Variants in MGAT4C observed in about 807,000 individuals in gnomAD.
The protein encoded by MGAT4C is MGAT4 family member C, also known as alpha-1,3-mannosyl-glycoprotein 4-beta-N-acetylglucosaminyltransferase C.
MGAT4C carries 19 observed loss-of-function variants against 40.1 expected under a neutral mutation model. The observed-to-expected ratio is 0.47, with a 90% CI of 0.33 to 0.70. The LOEUF (loss-of-function observed/expected upper bound fraction) is 0.70. MGAT4C is among the 30% of genes least tolerant of loss of function. The probability of loss-of-function intolerance (pLI) is 0.02; values close to 1 mark genes in which losing one functional copy is unlikely to be tolerated. For synonymous variants in MGAT4C, 181 were observed against 187.1 expected, an observed-to-expected ratio of 0.97 and a Z score of 0.27; for missense variants, 491 against 563.2, an observed-to-expected ratio of 0.87 and a Z score of 1.30.
chr12:86,667,356 A>C (rs776866569), intron 2 of MGAT4C, among the ~76,000 whole-genome samples: 1 of 152,202 alleles, frequency 6.6e-6, no homozygotes, highest in African/African-American at 2.4e-5. Context: ...GCAGGCTAAC[A>C]TGTAAACGTT....
intron 2 of MGAT4C, among the ~76,000 whole-genome samples, chr12:86,489,880 A>G (rs1958097905): frequency 6.6e-6 from 1 of 152,234 alleles, no homozygotes; most frequent in Non-Finnish European, 1.5e-5. Flanking sequence ...AGAAAAAAGA[A>G]TAAAAAGAAA....
In MGAT4C at chr12:85,960,223, C is replaced by T. The variant is rs1003168733; in HGVS notation, c.*19066G>A. The T allele has an allele frequency of 6.6e-6, 1 of 151,994 alleles. No homozygotes were observed. Among genetic ancestry groups the T allele is most frequent in the South Asian group, 2.1e-4 (1 of 4,834 alleles). The allele number at this position is 151,994 out of a possible 1,614,324, so 9.4% of individuals were successfully genotyped here. ...TGATACAACTTGAAGAAATTTTCAT[C>T]AAACGTCTTTGTCTTATCCCCTTGT... On this transcript the variant is annotated 3_prime_UTR_variant, in exon 5 of 5. Coordinates refer to ENST00000611864, the MANE Select transcript of MGAT4C (RefSeq NM_001351288.2).
chr12:86,552,105 A>G (rs1959396821), intron 2 of MGAT4C, among the ~76,000 whole-genome samples: 1 of 151,986 alleles, frequency 6.6e-6, no homozygotes, highest in African/African-American at 2.4e-5. Flanking sequence ...AATCATAAGG[A>G]AAAATACAAA....
intron 2 of MGAT4C, among the ~76,000 whole-genome samples, chr12:86,450,178 T>C (rs954013145): frequency 6.6e-6 from 1 of 152,242 alleles, no homozygotes; most frequent in Non-Finnish European, 1.5e-5. Flanking sequence ...TGAGAGTAAA[T>C]GAGATTTCTA....
At chr12:86,233,256 CA>C (rs1951402516) in intron 1 of MGAT4C, among the ~76,000 whole-genome samples, 1 of 152,098 alleles carries the variant, frequency 6.6e-6, no homozygotes, top group Non-Finnish European at 1.5e-5. Context: ...AGTCTGTTTT[CA>C]AAGAGGTAAA....
chr12:86,519,019 G>A (rs1354553791), intron 2 of MGAT4C, among the ~76,000 whole-genome samples: 1 of 152,170 alleles, frequency 6.6e-6, no homozygotes, highest in East Asian at 1.9e-4. Context: ...CACCAGGTGA[G>A]TAGTGCCTAG....
rs181840568 is a variant in MGAT4C, at chr12:86,734,424, C to T, written c.-261-7183G>A. ...ACTTGAATCGGAGCAGCGTGTCCTT[C>T]ATTCTAATGGAAAGGGGCATAGTAT... On this transcript the variant is annotated intron_variant, in intron 1 of 7. Transcript: ENST00000548651. Among the ~76,000 whole-genome samples the T allele has an allele frequency of 9.2e-5, 14 of 152,124 alleles. No individual in the cohort carries two copies. The East Asian group carries it at 1.6e-3, about 17-fold the overall frequency.
chr12:86,787,568 G>A (rs960864206), intron 1 of MGAT4C, among the ~76,000 whole-genome samples: 8 of 151,806 alleles, frequency 5.3e-5, no homozygotes, highest in African/African-American at 1.9e-4. Flanking sequence ...AAACCACAAT[G>A]AGATACCATC....
At chr12:86,735,028 G>T (rs1268841679) in intron 1 of MGAT4C, among the ~76,000 whole-genome samples, 1 of 151,868 alleles carries the variant, frequency 6.6e-6, no homozygotes, top group South Asian at 2.1e-4. Context: ...ATGATTTTTT[G>T]TGTGTTTTGT....
chr12:86,323,768 C>T lies in MGAT4C; in HGVS notation c.-57+10297G>A, dbSNP rs11103928. 7.6e-3 allele frequency among the ~76,000 whole-genome samples: 1,155 copies of T among 151,926 alleles called. 15 individuals carry two copies. Among genetic ancestry groups the T allele is most frequent in the African/African-American group, 0.025 (1,048 of 41,502 alleles). ...CATGCTTCATGCCTTCTCATTGAAA[C>T]ATTTTCCGATAAAATTGTTGATGCT... On this transcript the variant is annotated intron_variant, in intron 4 of 7. Coordinates refer to the MGAT4C transcript ENST00000548651.
intron 2 of MGAT4C, among the ~76,000 whole-genome samples, chr12:86,704,104 T>A (rs1283381869): frequency 6.6e-6 from 1 of 152,154 alleles, no homozygotes; most frequent in Non-Finnish European, 1.5e-5. Flanking sequence ...TAATTATAAT[T>A]ATATTTTACT....
At chr12:86,192,512 C>T (rs1011718618) in intron 1 of MGAT4C, among the ~76,000 whole-genome samples, 1 of 152,014 alleles carries the variant, frequency 6.6e-6, no homozygotes, top group Non-Finnish European at 1.5e-5. Flanking sequence ...ACTCAGAATC[C>T]ACCCCCATCA....
At chr12:86,368,811 A>C (rs185219079) in intron 3 of MGAT4C, among the ~76,000 whole-genome samples, 1 of 152,058 alleles carries the variant, frequency 6.6e-6, no homozygotes, top group African/African-American at 2.4e-5. Flanking sequence ...CATGTGATCT[A>C]TCCTAAAGAA....
intron 3 of MGAT4C, among the ~76,000 whole-genome samples, chr12:86,418,222 G>A (rs1956755445): frequency 6.6e-6 from 1 of 152,128 alleles, no homozygotes; most frequent in Non-Finnish European, 1.5e-5. Context: ...TGAATGATCA[G>A]AGCATATGAT....
chr12:86,186,276 C>T (rs2135885048), intron 1 of MGAT4C, among the ~76,000 whole-genome samples: 1 of 152,160 alleles, frequency 6.6e-6, no homozygotes, highest in East Asian at 1.9e-4. Flanking sequence ...AAACAATGAA[C>T]CCAAGTTCAA....
rs1468501209 is a variant in MGAT4C, at chr12:85,979,117, C to T, written c.*172G>A. 4.0e-6 allele frequency: 2 copies of T among 499,892 alleles called. No individual in the cohort carries two copies. Among genetic ancestry groups the T allele is most frequent in the Non-Finnish European group, 3.5e-6 (1 of 286,172 alleles). The allele number at this position is 499,892 out of a possible 1,614,324, so 31.0% of individuals were successfully genotyped here. On this transcript the variant is annotated 3_prime_UTR_variant, in exon 5 of 5. Transcript: ENST00000611864. Reference sequence around the variant, plus strand: ...TCAACTTCAGACGTTAAAATAAATACAAGTGTGTATTAAGAGTAAAATTAT... The same window carrying T: ...TCAACTTCAGACGTTAAAATAAATATAAGTGTGTATTAAGAGTAAAATTAT...
chr12:86,427,131 T>C (rs1956943052), intron 3 of MGAT4C, among the ~76,000 whole-genome samples: 1 of 152,144 alleles, frequency 6.6e-6, no homozygotes. Context: ...AGCTTTGTTC[T>C]ATAAGCTTCT....
intron 3 of MGAT4C, among the ~76,000 whole-genome samples, chr12:86,361,817 A>T (rs1398819081): frequency 2.0e-5 from 3 of 152,240 alleles, no homozygotes; most frequent in Admixed American, 6.5e-5. Context: ...AATGGCGATC[A>T]TTAAAAAGTC....
At chr12:86,008,786 C>A (rs1032851947) in intron 2 of MGAT4C, among the ~76,000 whole-genome samples, 2 of 152,016 alleles carry the variant, frequency 1.3e-5, no homozygotes, top group Non-Finnish European at 2.9e-5. Context: ...TGCTTCTATT[C>A]CTGGATTGAT....
Sources: allele counts gnomAD v4.1 joint callset (sites outside exome capture counted in the v4.1 genomes callset), GRCh38; gene constraint gnomAD v4.1.1; transcripts MANE v1.5; gene names NCBI Gene and HGNC (gene_info 2026-07-23, HGNC 2026-07-21).